The following LINGO2 variants were observed in gnomAD, a reference collection of about 807,000 sequenced individuals.
LINGO2 encodes leucine rich repeat and Ig domain containing 2.
Under a neutral mutation model 30.6 loss-of-function variants are expected in LINGO2, and 14 were observed. That is an observed-to-expected ratio of 0.46 (90% CI 0.30 to 0.72). The LOEUF (loss-of-function observed/expected upper bound fraction) is 0.72. Among genes scored for constraint, LINGO2 ranks in the 30% least tolerant of loss-of-function variants. The probability of loss-of-function intolerance (pLI) is 0.07; values close to 1 mark genes in which losing one functional copy is unlikely to be tolerated. For synonymous variants in LINGO2, 317 were observed against 288.5 expected (o/e 1.10, Z -1.00); for missense variants, 729 against 751.7 (o/e 0.97, Z 0.35).
chr9:28,961,831 T>C, the LINGO2 span, among the ~76,000 whole-genome samples: 4 of 152,220 alleles, frequency 2.6e-5, no homozygotes, highest in South Asian at 2.1e-4. Context: ...GGAGTGCTAA[T>C]TGGCTAACAG....
At chr9:28,054,511 G>C (rs1824827438) in intron 4 of LINGO2, among the ~76,000 whole-genome samples, 1 of 152,050 alleles carries the variant, frequency 6.6e-6, no homozygotes, top group Non-Finnish European at 1.5e-5. Flanking sequence ...GGTATATTAA[G>C]AAATTAGTGT....
chr9:29,087,548 T>C, the LINGO2 span, among the ~76,000 whole-genome samples: 1 of 152,196 alleles, frequency 6.6e-6, no homozygotes, highest in Admixed American at 6.5e-5. Context: ...TTCTAAAGCC[T>C]ATGAGTTTTC....
chr9:28,815,580 T>C, the LINGO2 span, among the ~76,000 whole-genome samples: 2 of 152,386 alleles, frequency 1.3e-5, no homozygotes, highest in East Asian at 3.9e-4. Flanking sequence ...AAATGAAATG[T>C]AGAAAATAGA....
At chr9:28,481,089 AT>A in intron 1 of LINGO2, among the ~76,000 whole-genome samples, 1 of 21,802 alleles carries the variant, frequency 4.6e-5, no homozygotes, top group East Asian at 1.4e-3. Context: ...GAGAATGGGC[AT>A]GGAGCCCCAT....
At chr9:29,188,742 G>C in the LINGO2 span, among the ~76,000 whole-genome samples, 1 of 137,588 alleles carries the variant, frequency 7.3e-6, no homozygotes, top group Admixed American at 7.4e-5. Context: ...GCGGCTGGCC[G>C]GGCAGAGGGG....
At chr9:28,041,860 GAAT>G (rs776640903) in intron 4 of LINGO2, among the ~76,000 whole-genome samples, 3 of 152,036 alleles carry the variant, frequency 2.0e-5, no homozygotes, top group East Asian at 3.8e-4. Context: ...GTAGTACCTG[GAAT>G]AATATTTTCA....
At chr9:28,294,042 T>C (rs548740711) in intron 4 of LINGO2, among the ~76,000 whole-genome samples, 100 of 152,194 alleles carry the variant, frequency 6.6e-4, no homozygotes, top group Non-Finnish European at 1.2e-3. Flanking sequence ...TGCCATGAGA[T>C]TGGTAATCTA....
chr9:29,033,522 T>C, the LINGO2 span, among the ~76,000 whole-genome samples: 1 of 151,784 alleles, frequency 6.6e-6, no homozygotes, highest in Non-Finnish European at 1.5e-5. Context: ...TAATAATCCA[T>C]AGAAGTGTTG....
At chr9:28,109,731 G>C (rs1395576605) in intron 4 of LINGO2, among the ~76,000 whole-genome samples, 2 of 152,058 alleles carry the variant, frequency 1.3e-5, no homozygotes, top group African/African-American at 2.4e-5. Flanking sequence ...CTCTGCTCAA[G>C]GAAATAAGAG....
At chr9:28,080,927 G>C (rs776679516) in intron 4 of LINGO2, 1 of 152,220 alleles carries the variant, frequency 6.6e-6, no homozygotes. Flanking sequence ...AACGGTGTTA[G>C]TCGTTGGATG....
chr9:28,002,369 A>C (rs555857548), intron 5 of LINGO2, among the ~76,000 whole-genome samples: 1 of 152,296 alleles, frequency 6.6e-6, no homozygotes, highest in Non-Finnish European at 1.5e-5. Flanking sequence ...AAGTACCACA[A>C]CTGAGAAAGA....
At chr9:28,456,927 C>T (rs1824873398) in intron 2 of LINGO2, among the ~76,000 whole-genome samples, 1 of 152,146 alleles carries the variant, frequency 6.6e-6, no homozygotes. Flanking sequence ...TTTTTACTTA[C>T]ATGTTATCTT....
the LINGO2 span, among the ~76,000 whole-genome samples, chr9:28,684,131 A>C: frequency 5.3e-5 from 8 of 150,660 alleles, no homozygotes; most frequent in African/African-American, 1.9e-4. Flanking sequence ...TGCATCAATA[A>C]ATTAAAAATA....
intron 2 of LINGO2, among the ~76,000 whole-genome samples, chr9:28,389,405 G>C (rs1313867357): frequency 1.3e-5 from 2 of 152,130 alleles, no homozygotes; most frequent in African/African-American, 2.4e-5. Context: ...CTACATATCA[G>C]AGTTTTAAAG....
the LINGO2 span, among the ~76,000 whole-genome samples, chr9:29,128,861 A>G: frequency 2.0e-5 from 3 of 152,278 alleles, no homozygotes; most frequent in African/African-American, 7.2e-5. Flanking sequence ...AAATTGGCTT[A>G]TAACTAAAAG....
At chr9:28,285,103 T>C (rs1823459608) in intron 4 of LINGO2, among the ~76,000 whole-genome samples, 2 of 152,222 alleles carry the variant, frequency 1.3e-5, no homozygotes, top group Admixed American at 6.5e-5. Context: ...TGCTAAGCAC[T>C]GGCCTTGGAT....
chr9:28,050,402 A>G (rs547885839), intron 4 of LINGO2, among the ~76,000 whole-genome samples: 1 of 150,974 alleles, frequency 6.6e-6, no homozygotes, highest in African/African-American at 2.4e-5. Context: ...TAAGGAAATC[A>G]GATAAATCCT....
intron 1 of LINGO2, among the ~76,000 whole-genome samples, chr9:28,588,196 T>G (rs187399488): frequency 1.3e-5 from 2 of 152,026 alleles, no homozygotes; most frequent in African/African-American, 4.8e-5. Flanking sequence ...GTTTCTAGCA[T>G]GGTGTTTCCT....
intron 4 of LINGO2, among the ~76,000 whole-genome samples, chr9:28,075,619 A>T (rs1259458161): frequency 6.6e-6 from 1 of 151,888 alleles, no homozygotes; most frequent in Non-Finnish European, 1.5e-5. Context: ...ACATTATCTC[A>T]TTGTGGTATT....
Sources: allele counts gnomAD v4.1 joint callset (sites outside exome capture counted in the v4.1 genomes callset), GRCh38; gene constraint gnomAD v4.1.1; transcripts MANE v1.5; gene names NCBI Gene and HGNC (gene_info 2026-07-23, HGNC 2026-07-21).